Variants in ASTN2 observed in about 807,000 individuals in gnomAD.
ASTN2 encodes the protein astrotactin-2.
Under a neutral mutation model 139.8 loss-of-function variants are expected in ASTN2, and 54 were observed. That is an observed-to-expected ratio of 0.39 (90% CI 0.31 to 0.48). The LOEUF is 0.48. Ranked by LOEUF, ASTN2 falls within the 20% of genes least tolerant of loss-of-function variation. ASTN2 has a pLI of 0.95. For synonymous variants in ASTN2, 756 were observed against 719.5 expected (o/e 1.05, Z -0.81); for missense variants, 1,565 against 1,725.1 (o/e 0.91, Z 1.64).
At chr9:117,354,991 T>C (rs911686070) in intron 1 of ASTN2, among the ~76,000 whole-genome samples, 2 of 152,242 alleles carry the variant, frequency 1.3e-5, no homozygotes, top group African/African-American at 4.8e-5. Flanking sequence ...TCTTCTCCAC[T>C]ATATTTTAAG....
chr9:117,270,409 G>A (rs1361906300), intron 2 of ASTN2, among the ~76,000 whole-genome samples: 2 of 152,126 alleles, frequency 1.3e-5, no homozygotes, highest in East Asian at 1.9e-4. Context: ...AACTACTTGA[G>A]GTATCTCATA....
chr9:116,686,966 C>T lies in ASTN2; in HGVS notation c.2807-35173G>A, dbSNP rs1186041483. On this transcript the variant is annotated intron_variant, in intron 16 of 22. Coordinates refer to ENST00000313400, the MANE Select transcript of ASTN2 (RefSeq NM_001365068.1). ...TGGAAAAACAGATTCAGTAAGGTGC[C>T]AACGCTTTGCTGAGGACTACCCTGG... 9 of 1,463,010 alleles carry T rather than the reference C, an allele frequency of 6.2e-6. No homozygotes were observed. In the East Asian group the frequency reaches 2.3e-4, roughly 37 times the overall value. 90.6% of individuals were successfully genotyped at this position (1,463,010 alleles called of 1,614,324 possible).
At chr9:116,644,280 T>G (rs1248560905) in intron 17 of ASTN2, among the ~76,000 whole-genome samples, 1 of 152,080 alleles carries the variant, frequency 6.6e-6, no homozygotes, top group Non-Finnish European at 1.5e-5. Context: ...TGCTGGAAGG[T>G]CAGACAACCA....
At chr9:116,685,491 T>G (rs929003004) in intron 16 of ASTN2, among the ~76,000 whole-genome samples, 1 of 152,180 alleles carries the variant, frequency 6.6e-6, no homozygotes, top group Non-Finnish European at 1.5e-5. Context: ...ACTCCTCAGG[T>G]GGTTCCACTG....
In ASTN2 at chr9:117,261,315, G is replaced by A. The variant is rs76995455; in HGVS notation, c.630+30011C>T. On this transcript the variant is annotated intron_variant, in intron 2 of 22. Coordinates refer to ENST00000313400, the MANE Select transcript of ASTN2 (RefSeq NM_001365068.1). Reference sequence around the variant, plus strand: ...TCAGCAGAAATTGGGCCAAGAAGTAGGATGACCATGTGCTGATTCAGGACC... The same window carrying A: ...TCAGCAGAAATTGGGCCAAGAAGTAAGATGACCATGTGCTGATTCAGGACC... 1.5e-3 allele frequency among the ~76,000 whole-genome samples: 234 copies of A among 152,280 alleles called. 1 individual carries two copies. The highest frequency in any genetic ancestry group is 5.4e-3 in the African/African-American group (223 of 41,552).
Position 117,097,504 on chromosome 9 carries a change from G to T in ASTN2, c.1169-1353C>A, listed in dbSNP as rs1439106888. 5.3e-5 allele frequency among the ~76,000 whole-genome samples: 8 copies of T among 152,236 alleles called. No homozygotes were observed. The East Asian group carries it at 1.5e-3, about 29-fold the overall frequency. ...TGGGCACGGGAGAATAAGGACTTTG[G>T]TATTTAAAATTGTTTCATTGATGGG... On this transcript the variant is annotated intron_variant, in intron 4 of 22. Transcript: ENST00000313400.
At chr9:116,429,679 C>T (rs1435218698) in intron 22 of ASTN2, among the ~76,000 whole-genome samples, 1 of 152,170 alleles carries the variant, frequency 6.6e-6, no homozygotes, top group African/African-American at 2.4e-5. Flanking sequence ...ATTTTGTGTA[C>T]TGGGCAATGG....
At chr9:116,568,765 G>C (rs975027724) in intron 19 of ASTN2, 1 of 152,204 alleles carries the variant, frequency 6.6e-6, no homozygotes, top group Non-Finnish European at 1.5e-5. Flanking sequence ...AGGACCACAG[G>C]ACCAAATTGA....
At chr9:116,960,796 A>C (rs1013984933) in intron 10 of ASTN2, among the ~76,000 whole-genome samples, 8 of 152,086 alleles carry the variant, frequency 5.3e-5, no homozygotes, top group African/African-American at 1.9e-4. Context: ...AGGAAACCAA[A>C]ATTTCCTCCC....
At chr9:117,232,411 C>T (rs1331333221) in intron 2 of ASTN2, among the ~76,000 whole-genome samples, 2 of 152,140 alleles carry the variant, frequency 1.3e-5, no homozygotes, top group Non-Finnish European at 2.9e-5. Flanking sequence ...CCCTTCATTG[C>T]TTCTTTTGCC....
At chr9:116,450,329 GACTC>G in intron 20 of ASTN2, among the ~76,000 whole-genome samples, 1 of 82,534 alleles carries the variant, frequency 1.2e-5, no homozygotes, top group East Asian at 4.2e-4. Context: ...AAAGCCTACT[GACTC>G]CAATGTAGAG....
chr9:116,735,521 A>T (rs1828904347), intron 13 of ASTN2, among the ~76,000 whole-genome samples: 1 of 152,174 alleles, frequency 6.6e-6, no homozygotes, highest in Non-Finnish European at 1.5e-5. Context: ...CTGAGCACAT[A>T]CTTGGGTGGA....
At chr9:116,613,300 A>C (rs1855651051) in intron 19 of ASTN2, 1 of 152,224 alleles carries the variant, frequency 6.6e-6, no homozygotes, top group Non-Finnish European at 1.5e-5. Flanking sequence ...CAGAGGTACA[A>C]AGATGAGCTG....
At chr9:117,349,382 G>A (rs571324659) in intron 1 of ASTN2, among the ~76,000 whole-genome samples, 46 of 152,146 alleles carry the variant, frequency 3.0e-4, no homozygotes, top group Non-Finnish European at 4.3e-4. Flanking sequence ...AGTTTGCTTC[G>A]AACTTGTTGA....
chr9:116,565,613 C>G (rs1479420263), intron 19 of ASTN2, among the ~76,000 whole-genome samples: 3 of 150,132 alleles, frequency 2.0e-5, no homozygotes, highest in Admixed American at 2.0e-4. Flanking sequence ...TAACTGGGAC[C>G]ATGGGCACAC....
intron 1 of ASTN2, among the ~76,000 whole-genome samples, chr9:117,292,804 T>C (rs1028857489): frequency 1.3e-5 from 2 of 152,126 alleles, no homozygotes; most frequent in African/African-American, 4.8e-5. Context: ...GCACCCATCA[T>C]ATCTGATGAC....
intron 2 of ASTN2, among the ~76,000 whole-genome samples, chr9:117,266,968 A>T (rs1833950928): frequency 6.6e-6 from 1 of 152,160 alleles, no homozygotes; most frequent in Non-Finnish European, 1.5e-5. Context: ...GTTTCTAAAT[A>T]ATAGAGTGTG....
chr9:116,681,623 T>A (rs1041615420), intron 16 of ASTN2, among the ~76,000 whole-genome samples: 1 of 152,124 alleles, frequency 6.6e-6, no homozygotes, highest in Non-Finnish European at 1.5e-5. Flanking sequence ...GACTTCAAAC[T>A]ATACTACAAG....
intron 10 of ASTN2, among the ~76,000 whole-genome samples, chr9:116,927,651 GA>G (rs1163270525): frequency 6.6e-6 from 1 of 152,160 alleles, no homozygotes; most frequent in Non-Finnish European, 1.5e-5. Flanking sequence ...GACTCCCAAG[GA>G]ATGGTGGCTG....
Sources: gnomAD v4.1 joint callset for allele counts (sites outside exome capture counted in the v4.1 genomes callset) on GRCh38, gnomAD v4.1.1 for gene constraint, MANE v1.5 for transcripts, NCBI Gene and HGNC (gene_info 2026-07-23, HGNC 2026-07-21) for gene names.